The following PPP1R9A variants were observed in gnomAD, a reference collection of about 807,000 sequenced individuals.
PPP1R9A encodes the protein protein phosphatase 1 regulatory subunit 9A.
PPP1R9A carries 59 observed loss-of-function variants against 141.9 expected under a neutral mutation model. That is an observed-to-expected ratio of 0.42 (90% CI 0.34 to 0.52). The LOEUF (loss-of-function observed/expected upper bound fraction) is 0.52. PPP1R9A is among the 20% of genes least tolerant of loss of function. The pLI is 0.10. For missense variants in PPP1R9A, 1,444 were observed against 1,611.9 expected, an observed-to-expected ratio of 0.90 and a Z score of 1.78; for synonymous variants, 500 against 569.7, an observed-to-expected ratio of 0.88 and a Z score of 1.74.
intron 2 of PPP1R9A, among the ~76,000 whole-genome samples, chr7:94,964,371 G>A (rs1797974282): frequency 6.6e-6 from 1 of 152,058 alleles, no homozygotes; most frequent in South Asian, 2.1e-4. Context: ...TTAAGTTCTG[G>A]GATACATGTG....
intron 2 of PPP1R9A, among the ~76,000 whole-genome samples, chr7:94,952,112 C>G (rs1417062340): frequency 1.3e-5 from 2 of 152,020 alleles, no homozygotes; most frequent in Non-Finnish European, 2.9e-5. Context: ...CCCCTAGCAC[C>G]CCACCTCCAG....
chr7:95,008,391 A>C (rs1256340874), intron 2 of PPP1R9A, among the ~76,000 whole-genome samples: 1 of 152,152 alleles, frequency 6.6e-6, no homozygotes, highest in African/African-American at 2.4e-5. Flanking sequence ...ATTTATCTCT[A>C]TTTGCCAAGA....
intron 2 of PPP1R9A, among the ~76,000 whole-genome samples, chr7:95,053,825 G>A (rs1242276073): frequency 6.6e-6 from 1 of 152,146 alleles, no homozygotes; most frequent in Non-Finnish European, 1.5e-5. Context: ...GCAGTAGCTT[G>A]GAGAAAGGGA....
At chr7:95,286,590 TG>T (rs932486305) in intron 18 of PPP1R9A, among the ~76,000 whole-genome samples, 3 of 152,054 alleles carry the variant, frequency 2.0e-5, no homozygotes, top group African/African-American at 7.2e-5. Context: ...GAGTTAAACA[TG>T]GGGGAACAGC....
chr7:95,282,154 ACCCC>A (rs776575451), intron 16 of PPP1R9A, among the ~76,000 whole-genome samples: 17,483 of 151,656 alleles, frequency 0.12, 1,351 homozygotes, highest in African/African-American at 0.21. Context: ...AGCATAATAA[ACCCC>A]TATCTCTACA....
intron 4 of PPP1R9A, among the ~76,000 whole-genome samples, chr7:95,161,296 A>G (rs1468539721): frequency 6.6e-6 from 1 of 151,682 alleles, no homozygotes; most frequent in African/African-American, 2.4e-5. Flanking sequence ...GCATTGTTTT[A>G]TGTTTGTTGG....
chr7:95,150,411 T>C (rs1828443308), intron 4 of PPP1R9A, among the ~76,000 whole-genome samples: 1 of 152,160 alleles, frequency 6.6e-6, no homozygotes, highest in Non-Finnish European at 1.5e-5. Flanking sequence ...CAAGCAATTC[T>C]CCTGCCTCAG....
At chr7:95,147,466 T>G (rs536516337) in intron 4 of PPP1R9A, among the ~76,000 whole-genome samples, 24 of 152,348 alleles carry the variant, frequency 1.6e-4, no homozygotes, top group African/African-American at 5.5e-4. Flanking sequence ...CTTCCTCTCT[T>G]CCTATTTGAA....
Position 95,072,846 on chromosome 7 carries a change from T to TA in PPP1R9A, c.1396-38412dup, listed in dbSNP as rs373513634. On this transcript the variant is annotated intron_variant, in intron 2 of 19. Coordinates refer to ENST00000433360, the MANE Select transcript of PPP1R9A (RefSeq NM_001166160.2). ...TATTATATATATAATAATTATTATA[T>TA]ATAATATAAGTTATATAATATAATA... Among the ~76,000 whole-genome samples the TA allele has an allele frequency of 6.6e-3, 663 of 101,146 alleles. 8 individuals carry two copies. Among genetic ancestry groups the TA allele is most frequent in the African/African-American group, 0.025 (615 of 24,400 alleles). 66.4% of individuals were successfully genotyped at this position (101,146 alleles called of 152,430 possible).
At chr7:95,059,838 G>A (rs1811986222) in intron 2 of PPP1R9A, among the ~76,000 whole-genome samples, 1 of 152,060 alleles carries the variant, frequency 6.6e-6, no homozygotes, top group African/African-American at 2.4e-5. Flanking sequence ...TGGAAACCTT[G>A]GATTCTGATC....
intron 2 of PPP1R9A, among the ~76,000 whole-genome samples, chr7:94,939,534 GT>G (rs932367051): frequency 5.9e-5 from 9 of 151,976 alleles, no homozygotes; most frequent in Admixed American, 2.0e-4. Context: ...TAGAGGCAAG[GT>G]TTTGATAATA....
chr7:95,234,827 C>G (rs1316203666), intron 8 of PPP1R9A, among the ~76,000 whole-genome samples: 1 of 152,026 alleles, frequency 6.6e-6, no homozygotes, highest in Non-Finnish European at 1.5e-5. Context: ...GCACATAGAC[C>G]AATGGAGCAG....
chr7:95,002,448 A>G (rs998386598), intron 2 of PPP1R9A, among the ~76,000 whole-genome samples: 1 of 152,112 alleles, frequency 6.6e-6, no homozygotes, highest in Non-Finnish European at 1.5e-5. Context: ...TGAAGATGGG[A>G]ATAAGTTCAG....
At chr7:94,935,378 A>T (rs556156964) in intron 2 of PPP1R9A, among the ~76,000 whole-genome samples, 64 of 152,180 alleles carry the variant, frequency 4.2e-4, no homozygotes, top group Non-Finnish European at 7.6e-4. Context: ...GTTTTAGTAG[A>T]TATTAGGGAG....
rs1227859876 is a variant in PPP1R9A at position 95,198,362 on chromosome 7, C to T, written c.1768C>T (p.Arg590Trp). 8 of 1,605,322 alleles carry T rather than the reference C, an allele frequency of 5.0e-6. No homozygotes were observed. The highest frequency in any genetic ancestry group is 6.8e-6 in the Non-Finnish European group (8 of 1,177,080). Residue 590 changes from arginine to tryptophan, a missense_variant, in exon 6 of 20, where the codon CGG becomes TGG. Physicochemically the swap from Arg to Trp is moderately radical, Grantham distance 101. Around this residue, in one of 5 missense-constraint regions of PPP1R9A, gnomAD observed 488 missense variants for 542.0 expected, o/e 0.90. Transcript: ENST00000433360. ...ACCTTTCCACAGATTTGTTATTGGG[C>T]GGGAAAAACCAGGACAAGTGAGCGA... ...TKGNVRFVIG[R>W]EKPGQVSEVA...
intron 12 of PPP1R9A, among the ~76,000 whole-genome samples, chr7:95,263,342 A>C (rs1052448535): frequency 6.6e-6 from 1 of 152,224 alleles, no homozygotes; most frequent in African/African-American, 2.4e-5. Flanking sequence ...GTACCCTTTG[A>C]CCAACATCTC....
At chr7:95,121,246 T>C (rs966989592) in intron 4 of PPP1R9A, among the ~76,000 whole-genome samples, 1 of 152,208 alleles carries the variant, frequency 6.6e-6, no homozygotes, top group African/African-American at 2.4e-5. Context: ...TAATTCTGTA[T>C]TGATGGTAAT....
chr7:95,219,729 C>T (rs980101599), intron 7 of PPP1R9A, among the ~76,000 whole-genome samples: 3 of 152,092 alleles, frequency 2.0e-5, no homozygotes, highest in Non-Finnish European at 2.9e-5. Flanking sequence ...TATTTCATTT[C>T]TTCGAATCCT....
Position 95,269,158 on chromosome 7 carries a change from A to G in PPP1R9A, c.2824-49A>G, listed in dbSNP as rs763713036. The G allele has an allele frequency of 3.4e-6, 5 of 1,463,196 alleles. No homozygotes were observed. In the African/African-American group the frequency reaches 7.1e-5, roughly 21 times the overall value. The allele number at this position is 1,463,196 out of a possible 1,614,324, so 90.6% of individuals were successfully genotyped here. On this transcript the variant is annotated intron_variant, in intron 13 of 19. Transcript: ENST00000433360. Reference sequence around the variant, plus strand: ...TTATTTCAAAGTAAGTATTGCATAGAACTGATACTCAGTGGCATAACCTTC... The same window carrying G: ...TTATTTCAAAGTAAGTATTGCATAGGACTGATACTCAGTGGCATAACCTTC...
Sources: gnomAD v4.1 joint callset for allele counts (sites outside exome capture counted in the v4.1 genomes callset) on GRCh38, gnomAD v4.1.1 for gene constraint, gnomAD v4.1.1 regional missense constraint, MANE v1.5 for transcripts, NCBI Gene and HGNC (gene_info 2026-07-23, HGNC 2026-07-21) for gene names.